The following CFAP418 variants were observed in gnomAD, a reference collection of about 807,000 sequenced individuals.
The protein encoded by CFAP418 is cilia and flagella associated protein 418.
CFAP418 carries 27 observed loss-of-function variants against 24.7 expected under a neutral mutation model. The observed-to-expected ratio is 1.09, with a 90% CI of 0.81 to 1.51. The LOEUF is 1.51. Ranked by LOEUF, CFAP418 falls within the 40% of genes most tolerant of loss-of-function variation. CFAP418 has a pLI of 0.00. For synonymous variants in CFAP418, 74 were observed against 87.3 expected (o/e 0.85, Z 0.85); for missense variants, 257 against 255.2 (o/e 1.01, Z -0.05).
At chr8:95,250,763 A>C (rs1221395491) in intron 5 of CFAP418, among the ~76,000 whole-genome samples, 1 of 152,124 alleles carries the variant, frequency 6.6e-6, no homozygotes, top group Non-Finnish European at 1.5e-5. Context: ...GAAACTGTAA[A>C]ATTTTTCAAG....
intron 4 of CFAP418, among the ~76,000 whole-genome samples, chr8:95,253,080 C>T (rs1376762740): frequency 1.3e-5 from 2 of 151,942 alleles, no homozygotes; most frequent in Non-Finnish European, 2.9e-5. Context: ...GAGGCTGAGG[C>T]GGGCGGATCA....
chr8:95,261,841 C>G (rs1253928530), intron 2 of CFAP418, among the ~76,000 whole-genome samples: 1 of 152,198 alleles, frequency 6.6e-6, no homozygotes. Context: ...GCCTCATATA[C>G]AGATATGCAC....
intron 1 of CFAP418, 123 bp from the exon 2 acceptor site, chr8:95,263,897 T>C (rs534743353): frequency 1.3e-4 from 80 of 595,074 alleles, no homozygotes; most frequent in Non-Finnish European, 2.2e-4. Flanking sequence ...AAAGTGATTT[T>C]AATTTTTTTC....
At chr8:95,268,288 A>G (rs1812037892) in intron 1 of CFAP418, among the ~76,000 whole-genome samples, 1 of 152,134 alleles carries the variant, frequency 6.6e-6, no homozygotes, top group Non-Finnish European at 1.5e-5. Context: ...TCTACAAAAA[A>G]TACAAATTAA....
chr8:95,255,311 A>C (rs1197615164), intron 4 of CFAP418, among the ~76,000 whole-genome samples: 1 of 151,920 alleles, frequency 6.6e-6, no homozygotes, highest in East Asian at 1.9e-4. Context: ...ATGGCCAGAT[A>C]CTCTCTGTTC....
chr8:95,249,185 T>A (rs1811671556), intron 5 of CFAP418, among the ~76,000 whole-genome samples: 2 of 152,248 alleles, frequency 1.3e-5, no homozygotes, highest in South Asian at 2.1e-4. Flanking sequence ...GGATTAGGAA[T>A]CATGAATAGG....
Position 95,269,166 on chromosome 8 carries a change from G to C in CFAP418, c.24C>G (p.Leu8=). Residue 8 remains leucine, a synonymous_variant, in exon 1 of 6, where the codon CTC becomes CTG. Transcript: ENST00000286688. ...AAAACTTGGACTCGACTTCATCCAA[G>C]AGCTCGTCCAGGTCCTCCGCCATCT... MAEDLDE[L]LDEVESKFCT... 6.2e-7 allele frequency: 1 copy of C among 1,614,198 alleles called. No individual in the cohort carries two copies. The highest frequency in any genetic ancestry group is 2.2e-5 in the East Asian group (1 of 44,874).
At chr8:95,267,657 G>A (rs1251706162) in intron 1 of CFAP418, among the ~76,000 whole-genome samples, 1 of 152,138 alleles carries the variant, frequency 6.6e-6, no homozygotes, top group Non-Finnish European at 1.5e-5. Context: ...TAGTAACAGA[G>A]TTGGATAATA....
At position 95,244,948 on chromosome 8, in the gene CFAP418, TAAAAG is replaced by T. The variant is rs1314737087; in HGVS notation, c.*2664_*2668del. On this transcript the variant is annotated 3_prime_UTR_variant, in exon 6 of 6. Coordinates refer to ENST00000286688, the MANE Select transcript of CFAP418 (RefSeq NM_177965.4). Reference sequence around the variant, plus strand: ...TCCAAATGAATATTTTACTATAAAATAAAAGAAGTAAATAATACAGAGTAATTATT... The same window carrying T: ...TCCAAATGAATATTTTACTATAAAATAAGTAAATAATACAGAGTAATTATT... The T allele has an allele frequency of 1.3e-5, 2 of 151,862 alleles. No individual in the cohort carries two copies. Among genetic ancestry groups the T allele is most frequent in the Non-Finnish European group, 2.9e-5 (2 of 67,970 alleles). 9.4% of individuals were successfully genotyped at this position (151,862 alleles called of 1,614,324 possible).
At chr8:95,256,523 C>A (rs1280141973) in intron 4 of CFAP418, among the ~76,000 whole-genome samples, 1 of 152,168 alleles carries the variant, frequency 6.6e-6, no homozygotes, top group Non-Finnish European at 1.5e-5. Flanking sequence ...AAGATAACAT[C>A]CCTTCTTAAG....
chr8:95,268,263 C>G (rs1812037129), intron 1 of CFAP418, among the ~76,000 whole-genome samples: 1 of 152,060 alleles, frequency 6.6e-6, no homozygotes, highest in African/African-American at 2.4e-5. Context: ...GCCTGGCCAA[C>G]ACAGTGAGAC....
intron 2 of CFAP418, among the ~76,000 whole-genome samples, chr8:95,261,725 C>T (rs889873954): frequency 6.6e-6 from 1 of 152,098 alleles, no homozygotes; most frequent in African/African-American, 2.4e-5. Context: ...TAAAAATTTA[C>T]TTCTTCATGA....
chr8:95,253,759 C>T (rs561297221), intron 4 of CFAP418, among the ~76,000 whole-genome samples: 15 of 139,290 alleles, frequency 1.1e-4, no homozygotes, highest in East Asian at 2.1e-4. Context: ...ACTCAGACTT[C>T]GAATGTACAA....
Position 95,252,303 on chromosome 8 carries a change from T to G in CFAP418, c.375-20A>C, listed in dbSNP as rs778692733. 1 of 1,541,272 alleles carries G rather than the reference T, an allele frequency of 6.5e-7. No individual in the cohort carries two copies. The highest frequency in any genetic ancestry group is 1.2e-5 in the South Asian group (1 of 86,726). ...CATGCTCTGTTCAGAGAAAAAAAATTGTATATTAAAGATTATTGGTATCTT... is the reference window on the plus strand; with the variant it reads ...CATGCTCTGTTCAGAGAAAAAAAATGGTATATTAAAGATTATTGGTATCTT... On this transcript the variant is annotated intron_variant, in intron 4 of 5. Coordinates refer to ENST00000286688, the MANE Select transcript of CFAP418 (RefSeq NM_177965.4).
chr8:95,259,644 A>G (rs1811852051), intron 4 of CFAP418, among the ~76,000 whole-genome samples, 196 bp downstream of exon 4: 1 of 152,204 alleles, frequency 6.6e-6, no homozygotes, highest in East Asian at 1.9e-4. Context: ...GCATAAAATG[A>G]ATAATATGTA....
intron 2 of CFAP418, among the ~76,000 whole-genome samples, chr8:95,262,135 C>A (rs890093181): frequency 7.2e-5 from 11 of 152,074 alleles, no homozygotes; most frequent in African/African-American, 2.4e-4. Flanking sequence ...TACAGAGGGC[C>A]AACTTTTCAT....
At chr8:95,256,564 C>T (rs1432472132) in intron 4 of CFAP418, among the ~76,000 whole-genome samples, 2 of 152,196 alleles carry the variant, frequency 1.3e-5, no homozygotes, top group South Asian at 2.1e-4. Flanking sequence ...CAGAGTGAGG[C>T]TTTGAACTCA....
intron 4 of CFAP418, among the ~76,000 whole-genome samples, chr8:95,258,243 G>T (rs984393591): frequency 6.6e-6 from 1 of 151,848 alleles, no homozygotes; most frequent in African/African-American, 2.4e-5. Flanking sequence ...TTAGCCGGGC[G>T]TGGTGGCGGG....
At chr8:95,255,420 C>T (rs1243449130) in intron 4 of CFAP418, among the ~76,000 whole-genome samples, 4 of 152,170 alleles carry the variant, frequency 2.6e-5, no homozygotes, top group African/African-American at 4.8e-5. Flanking sequence ...TGTCTAACTC[C>T]TACTCATTTT....
Sources: gnomAD v4.1 joint callset for allele counts (sites outside exome capture counted in the v4.1 genomes callset) on GRCh38, gnomAD v4.1.1 for gene constraint, MANE v1.5 for transcripts, NCBI Gene and HGNC (gene_info 2026-07-23, HGNC 2026-07-21) for gene names.